The following CDH12 variants were observed in gnomAD, a reference collection of about 807,000 sequenced individuals.
CDH12 encodes cadherin 12.
In CDH12, 41 loss-of-function variants were observed where a neutral mutation model predicts 74.1. The ratio of observed to expected loss-of-function variants is 0.55; its 90% CI spans 0.43 to 0.72. The LOEUF (loss-of-function observed/expected upper bound fraction) is 0.72. CDH12 is among the 30% of genes least tolerant of loss of function. The pLI, the probability that CDH12 is intolerant of heterozygous loss-of-function variation, is 0.00. For synonymous variants in CDH12, 399 were observed against 355.0 expected (o/e 1.12, Z -1.39); for missense variants, 945 against 977.2 (o/e 0.97, Z 0.44).
intron 2 of CDH12, among the ~76,000 whole-genome samples, chr5:22,470,058 G>C (rs1000343433): frequency 6.6e-6 from 1 of 152,140 alleles, no homozygotes. Flanking sequence ...GAGGTGAAAA[G>C]TCAAAGATGA....
At chr5:22,404,969 G>T (rs1742877599) in intron 3 of CDH12, among the ~76,000 whole-genome samples, 2 of 152,126 alleles carry the variant, frequency 1.3e-5, no homozygotes, top group African/African-American at 4.8e-5. Flanking sequence ...CAGCTCTTTG[G>T]GAGGCCAAAG....
chr5:21,929,986 T>C (rs1285257125), intron 6 of CDH12, among the ~76,000 whole-genome samples: 1 of 152,214 alleles, frequency 6.6e-6, no homozygotes, highest in East Asian at 1.9e-4. Context: ...ATCAGATGGT[T>C]TTCTGAAGGG....
intron 3 of CDH12, among the ~76,000 whole-genome samples, chr5:22,286,945 T>C (rs189510765): frequency 3.9e-5 from 6 of 152,308 alleles, no homozygotes; most frequent in Admixed American, 3.9e-4. Context: ...TATATGCATC[T>C]TTAGACATTA....
At chr5:22,185,226 T>C (rs1271953840) in intron 4 of CDH12, among the ~76,000 whole-genome samples, 5 of 150,260 alleles carry the variant, frequency 3.3e-5, no homozygotes, top group Non-Finnish European at 7.4e-5. Context: ...GAGAAGGAGT[T>C]TCACTTTTGT....
intron 5 of CDH12, among the ~76,000 whole-genome samples, chr5:22,007,423 T>C (rs981903159): frequency 4.0e-5 from 6 of 151,296 alleles, no homozygotes; most frequent in East Asian, 1.9e-4. Flanking sequence ...GTCCAAAACA[T>C]ACTGTTGTAC....
chr5:21,832,864 C>CAT (rs72101921), intron 8 of CDH12, among the ~76,000 whole-genome samples: 2 of 71,142 alleles, frequency 2.8e-5, no homozygotes, highest in African/African-American at 3.2e-4. Flanking sequence ...TGATATATAT[C>CAT]ATATGATATA....
intron 1 of CDH12, among the ~76,000 whole-genome samples, chr5:22,574,111 G>A (rs542200817): frequency 3.4e-4 from 40 of 116,340 alleles, no homozygotes; most frequent in African/African-American, 1.3e-3. Context: ...ATGGAGTCTC[G>A]CTCTGTCTCC....
rs539037613 is a variant in CDH12, at chr5:22,628,175, A to C, written c.-522-122811T>G. 2.5e-3 allele frequency among the ~76,000 whole-genome samples: 379 copies of C among 152,112 alleles called. 1 individual carries two copies. Among genetic ancestry groups the C allele is most frequent in the Non-Finnish European group, 4.4e-3 (297 of 67,928 alleles). On this transcript the variant is annotated intron_variant, in intron 1 of 14. Transcript: ENST00000382254. ...ATAATGAGAGACTTCAACACTCCAC[A>C]GACATTATTAGATCAACCATCAAGG...
At chr5:21,929,198 ATGG>A (rs1284064087) in intron 6 of CDH12, among the ~76,000 whole-genome samples, 3 of 152,098 alleles carry the variant, frequency 2.0e-5, no homozygotes, top group Non-Finnish European at 4.4e-5. Context: ...CAATTCTTCC[ATGG>A]ATGGTGGGTG....
At chr5:22,283,491 C>A (rs1737008552) in intron 3 of CDH12, among the ~76,000 whole-genome samples, 1 of 151,554 alleles carries the variant, frequency 6.6e-6, no homozygotes, top group Non-Finnish European at 1.5e-5. Context: ...ATTTTGAAGG[C>A]ATTTTGATAA....
intron 3 of CDH12, among the ~76,000 whole-genome samples, chr5:22,233,019 T>C (rs940194072): frequency 2.1e-4 from 32 of 151,396 alleles, no homozygotes; most frequent in Middle Eastern, 3.2e-3. Flanking sequence ...TTGTATGTCT[T>C]CACTCAAACA....
chr5:22,843,737 T>C (rs1387516501), intron 1 of CDH12, among the ~76,000 whole-genome samples: 1 of 152,020 alleles, frequency 6.6e-6, no homozygotes, highest in Non-Finnish European at 1.5e-5. Context: ...GTGCATTTTC[T>C]TTATTTTCTT....
chr5:22,561,421 G>T (rs1739039182), intron 1 of CDH12, among the ~76,000 whole-genome samples: 1 of 151,958 alleles, frequency 6.6e-6, no homozygotes, highest in African/African-American at 2.4e-5. Context: ...AATTTAATTT[G>T]AAATAATTAT....
chr5:22,627,262 A>T (rs951756208), intron 1 of CDH12, among the ~76,000 whole-genome samples: 5 of 152,138 alleles, frequency 3.3e-5, no homozygotes, highest in Non-Finnish European at 5.9e-5. Context: ...ACTATACAGG[A>T]TGATTATCCC....
chr5:21,977,835 C>T (rs955552484), intron 5 of CDH12, among the ~76,000 whole-genome samples: 10 of 152,074 alleles, frequency 6.6e-5, no homozygotes, highest in Middle Eastern at 3.2e-3. Flanking sequence ...AAGTGGATGA[C>T]TATAAAACTC....
chr5:22,789,382 A>T (rs1397072582), intron 1 of CDH12, among the ~76,000 whole-genome samples: 2 of 152,062 alleles, frequency 1.3e-5, no homozygotes, highest in East Asian at 3.9e-4. Flanking sequence ...GTATGATATA[A>T]TTGCACATAC....
At chr5:21,756,123 T>G (rs1444227849) in intron 13 of CDH12, among the ~76,000 whole-genome samples, 3 of 152,176 alleles carry the variant, frequency 2.0e-5, no homozygotes, top group Non-Finnish European at 4.4e-5. Flanking sequence ...TGATCAATTT[T>G]TTTATGACAT....
At chr5:21,948,996 T>C (rs1041455988) in intron 6 of CDH12, among the ~76,000 whole-genome samples, 1 of 151,982 alleles carries the variant, frequency 6.6e-6, no homozygotes, top group Non-Finnish European at 1.5e-5. Context: ...CCATGAGGCC[T>C]CCTCAGCCAT....
chr5:22,293,946 G>C (rs543306344), intron 3 of CDH12, among the ~76,000 whole-genome samples: 35 of 152,080 alleles, frequency 2.3e-4, no homozygotes, highest in Non-Finnish European at 4.6e-4. Context: ...GTATTCTTGA[G>C]AAACGCTAAG....
Sources: gnomAD v4.1 joint callset for allele counts (sites outside exome capture counted in the v4.1 genomes callset) on GRCh38, gnomAD v4.1.1 for gene constraint, MANE v1.5 for transcripts, NCBI Gene and HGNC (gene_info 2026-07-23, HGNC 2026-07-21) for gene names.